PITPNC1: variants seen among roughly 807,000 people sequenced by gnomAD.
PITPNC1 encodes the protein phosphatidylinositol transfer protein cytoplasmic 1, also known as cytoplasmic phosphatidylinositol transfer protein 1.
PITPNC1 carries 18 observed loss-of-function variants against 44.7 expected under a neutral mutation model. The observed-to-expected ratio is 0.40, with a 90% CI of 0.28 to 0.60. PITPNC1 has a LOEUF of 0.60. Among genes scored for constraint, PITPNC1 ranks in the 20% least tolerant of loss-of-function variants. The pLI is 0.39. For synonymous variants in PITPNC1, 141 were observed against 149.6 expected, an observed-to-expected ratio of 0.94 and a Z score of 0.42; for missense variants, 290 against 418.4, an observed-to-expected ratio of 0.69 and a Z score of 2.68.
intron 1 of PITPNC1, among the ~76,000 whole-genome samples, chr17:67,398,365 C>G (rs2143815134): frequency 6.6e-6 from 1 of 152,136 alleles, no homozygotes; most frequent in African/African-American, 2.4e-5. Flanking sequence ...GTTGTGGAAG[C>G]GTTTTTCTGT....
At chr17:67,520,025 CCTCTGTT>C (rs1417797446) in intron 1 of PITPNC1, among the ~76,000 whole-genome samples, 1 of 152,126 alleles carries the variant, frequency 6.6e-6, no homozygotes, top group East Asian at 1.9e-4. Flanking sequence ...TTTCCTTTAC[CCTCTGTT>C]CTCAGAAGGT....
At chr17:67,565,114 G>A (rs1007008353) in intron 4 of PITPNC1, among the ~76,000 whole-genome samples, 1 of 151,604 alleles carries the variant, frequency 6.6e-6, no homozygotes, top group Non-Finnish European at 1.5e-5. Flanking sequence ...TTTTCAGTGT[G>A]TATACTAGTT....
intron 1 of PITPNC1, among the ~76,000 whole-genome samples, chr17:67,496,503 A>G (rs997631083): frequency 1.3e-5 from 2 of 152,140 alleles, no homozygotes; most frequent in African/African-American, 4.8e-5. Context: ...GGTGACGACA[A>G]TGACCCCAGT....
chr17:67,481,052 C>A (rs2039694686), intron 1 of PITPNC1, among the ~76,000 whole-genome samples: 1 of 152,156 alleles, frequency 6.6e-6, no homozygotes. Context: ...ACAAAAAATA[C>A]AAAAATTAGC....
At chr17:67,600,221 T>C (rs893262586) in intron 5 of PITPNC1, among the ~76,000 whole-genome samples, 10 of 151,754 alleles carry the variant, frequency 6.6e-5, no homozygotes, top group African/African-American at 1.9e-4. Context: ...AACCTAGAGA[T>C]TGGTGTGAGG....
At chr17:67,553,765 G>A (rs911536652) in intron 4 of PITPNC1, 148 bp downstream of exon 4, 15 of 419,274 alleles carry the variant, frequency 3.6e-5, no homozygotes, top group African/African-American at 2.0e-4. Context: ...CTATTGCATC[G>A]TTATATATAA....
In PITPNC1 at chr17:67,449,379, A is replaced by G. The variant is rs552972696; in HGVS notation, c.48+71177A>G. 2.6e-5 allele frequency among the ~76,000 whole-genome samples: 4 copies of G among 152,330 alleles called. No individual in the cohort carries two copies. In the East Asian group the frequency reaches 7.7e-4, roughly 29 times the overall value. ...TTGAAGCTTAGATTGGGTATTGTCA[A>G]TTTAATTTGGAGTCTATCAGCCTGT... On this transcript the variant is annotated intron_variant, in intron 1 of 8. Transcript: ENST00000581322.
chr17:67,533,082 C>T (rs1389480832), intron 2 of PITPNC1, 132 bp downstream of exon 2: 1 of 669,772 alleles, frequency 1.5e-6, no homozygotes, highest in Non-Finnish European at 2.5e-6. Flanking sequence ...TCTACGACCA[C>T]CAATCTCATT....
At chr17:67,398,770 T>C (rs2038260350) in intron 1 of PITPNC1, among the ~76,000 whole-genome samples, 1 of 152,076 alleles carries the variant, frequency 6.6e-6, no homozygotes, top group African/African-American at 2.4e-5. Context: ...CCAGTTGTCG[T>C]ATAAAATCTA....
chr17:67,465,226 G>C (rs1035004723), intron 1 of PITPNC1, among the ~76,000 whole-genome samples: 16 of 152,214 alleles, frequency 1.1e-4, no homozygotes, highest in Non-Finnish European at 2.1e-4. Context: ...CCACCTCTAA[G>C]GTGAAGATTT....
chr17:67,669,688 G>T, intron 7 of PITPNC1, 25 bp downstream of exon 7: 1 of 1,545,832 alleles, frequency 6.5e-7, no homozygotes, highest in East Asian at 2.3e-5. Flanking sequence ...AGCAGTTCCT[G>T]GGCTGTGGAC....
intron 6 of PITPNC1, among the ~76,000 whole-genome samples, chr17:67,641,329 G>T (rs77969140): frequency 0.051 from 7,776 of 152,156 alleles, 235 homozygotes; most frequent in Middle Eastern, 0.088. Context: ...CACAGACATC[G>T]CTGTTAAAGT....
chr17:67,649,242 A>C (rs372998802), intron 6 of PITPNC1, among the ~76,000 whole-genome samples: 1 of 152,260 alleles, frequency 6.6e-6, no homozygotes, highest in East Asian at 1.9e-4. Context: ...GGGTGATACT[A>C]ATAAGTGTCC....
chr17:67,669,738 C>T lies in PITPNC1; in HGVS notation c.618+75C>T. 3 of 1,062,824 alleles carry T rather than the reference C, an allele frequency of 2.8e-6. No homozygotes were observed. In the South Asian group the frequency reaches 4.5e-5, roughly 16 times the overall value. 65.8% of individuals were successfully genotyped at this position (1,062,824 alleles called of 1,614,324 possible). A position where few individuals can be genotyped will look rare whatever the true frequency, so the allele number is the denominator to read the frequency against. ...TATTGCCAAATTGGAGTCCATGATA[C>T]ACAACAGGTGCACAAATACATCAGG... On this transcript the variant is annotated intron_variant, in intron 7 of 8. Transcript: ENST00000581322.
intron 6 of PITPNC1, 145 bp from the exon 7 acceptor site, chr17:67,669,363 G>T: frequency 1.8e-6 from 1 of 543,448 alleles, no homozygotes; most frequent in Non-Finnish European, 3.2e-6. Flanking sequence ...TGATCCGCCC[G>T]CCTCAGCCTC....
At position 67,532,048 on chromosome 17, in the gene PITPNC1, A is replaced by ATAG. The variant is rs2040469202; in HGVS notation, c.49-751_49-749dup. On this transcript the variant is annotated intron_variant, in intron 1 of 8. Coordinates refer to ENST00000581322, the MANE Select transcript of PITPNC1 (RefSeq NM_012417.4). ...TGAAAAAAGGACAGAAAATGTTCAT[A>ATAG]TAGTATGTTGCTCCACATGATTATT... 3.9e-5 allele frequency among the ~76,000 whole-genome samples: 6 copies of ATAG among 152,224 alleles called. No homozygotes were observed. In the South Asian group the frequency reaches 1.2e-3, roughly 31 times the overall value.
intron 5 of PITPNC1, among the ~76,000 whole-genome samples, chr17:67,614,888 G>C (rs2041737878): frequency 1.3e-5 from 2 of 152,030 alleles, no homozygotes; most frequent in Non-Finnish European, 2.9e-5. Flanking sequence ...ACAGACGCCA[G>C]AATTGATTCA....
At chr17:67,441,003 T>C (rs1211302217) in intron 1 of PITPNC1, among the ~76,000 whole-genome samples, 3 of 152,218 alleles carry the variant, frequency 2.0e-5, no homozygotes, top group Non-Finnish European at 2.9e-5. Context: ...AACCAGGTAG[T>C]ACCTAAGTGT....
At chr17:67,534,282 A>G (rs1289657632) in intron 2 of PITPNC1, among the ~76,000 whole-genome samples, 1 of 152,050 alleles carries the variant, frequency 6.6e-6, no homozygotes, top group Non-Finnish European at 1.5e-5. Context: ...TATCCAGCCC[A>G]TTTCTTCCTT....
Sources: allele counts gnomAD v4.1 joint callset (sites outside exome capture counted in the v4.1 genomes callset), GRCh38; gene constraint gnomAD v4.1.1; transcripts MANE v1.5; gene names NCBI Gene and HGNC (gene_info 2026-07-23, HGNC 2026-07-21).